The following PHC1 variants were observed in gnomAD, a reference collection of about 807,000 sequenced individuals.
PHC1 encodes polyhomeotic homolog 1.
A neutral mutation model predicts 104.3 loss-of-function variants in PHC1; 12 were observed. The ratio of observed to expected loss-of-function variants is 0.12; its 90% CI spans 0.07 to 0.19. The LOEUF (loss-of-function observed/expected upper bound fraction) is 0.19. PHC1 is among the 10% of genes least tolerant of loss of function. The pLI is 1.00. For missense variants in PHC1, 671 were observed against 1,200.0 expected (o/e 0.56, Z 6.51); for synonymous variants, 302 against 455.8 (o/e 0.66, Z 4.30).
rs1340958506 is a variant in PHC1 at position 8,930,912 on chromosome 12, A to G, written c.1090A>G (p.Thr364Ala). The part of the protein sequence containing the change: ...TRTATPAPSQ[T>A]LISSATYTQI... ...GACAGCCACACCTGCGCCCAGCCAG[A>G]CACTTATTAGCTCAGGTAAATTGTC... Residue 364 changes from threonine to alanine, a missense_variant, in exon 7 of 15, where the codon ACA becomes GCA. Physicochemically the swap from Thr to Ala is moderately conservative, Grantham distance 58. Transcript: ENST00000544916. The G allele has an allele frequency of 6.2e-7, 1 of 1,606,086 alleles. No homozygotes were observed. The highest frequency in any genetic ancestry group is 8.5e-7 in the Non-Finnish European group (1 of 1,174,572).
At position 8,914,538 on chromosome 12, in the gene PHC1, C is replaced by T. The variant is rs1240599733; in HGVS notation, c.-338C>T. ...CGGCCCGCAGCCCCTGGCCTGCGGC[C>T]CCCACCTTCTCGGCCGGGCAGGAAG... On this transcript the variant is annotated 5_prime_UTR_variant, in exon 1 of 15. Coordinates refer to ENST00000544916, the MANE Select transcript of PHC1 (RefSeq NM_004426.3). The T allele has an allele frequency of 6.6e-6, 1 of 151,596 alleles. No individual in the cohort carries two copies. The highest frequency in any genetic ancestry group is 1.5e-5 in the Non-Finnish European group (1 of 67,790). 9.4% of individuals were successfully genotyped at this position (151,596 alleles called of 1,614,324 possible). A position where few individuals can be genotyped will look rare whatever the true frequency, so the allele number is the denominator to read the frequency against.
In PHC1 at chr12:8,934,250, C is replaced by G; in HGVS notation, c.2042-17C>G. 6.3e-7 allele frequency: 1 copy of G among 1,593,426 alleles called. No individual in the cohort carries two copies. The highest frequency in any genetic ancestry group is 1.1e-5 in the South Asian group (1 of 90,114). On this transcript the variant is annotated splice_polypyrimidine_tract_variant and intron_variant, in intron 9 of 14. Transcript: ENST00000544916. ...TGTCATCTCATGTCTGTTGCTTAAT[C>G]TGTGTTTGTTTTCCAGAAAAAGCTG...
rs1007945902 is a variant in PHC1, at chr12:8,918,002, T to A, written c.114+211T>A. ...AAATCTGGTCTTTCAAATAAGGATT[T>A]AAAAAACACATTCAGTCCATCTAGC... On this transcript the variant is annotated intron_variant, in intron 2 of 14. Transcript: ENST00000544916. Among the ~76,000 whole-genome samples, 3 of 152,204 alleles carry A rather than the reference T, an allele frequency of 2.0e-5. No homozygotes were observed. In the East Asian group the frequency reaches 5.8e-4, roughly 29 times the overall value.
intron 11 of PHC1, among the ~76,000 whole-genome samples, chr12:8,936,374 T>TCA (rs1945838955): frequency 6.6e-5 from 10 of 152,172 alleles, no homozygotes; most frequent in African/African-American, 2.4e-4. Context: ...AGAGTGAGAC[T>TCA]GTCTCAAAAA....
chr12:8,932,077 C>T (rs938698213), intron 7 of PHC1, among the ~76,000 whole-genome samples: 2 of 152,138 alleles, frequency 1.3e-5, no homozygotes, highest in Non-Finnish European at 1.5e-5. Flanking sequence ...TGTGGGAAGA[C>T]GTTGACATCT....
intron 10 of PHC1, among the ~76,000 whole-genome samples, chr12:8,934,838 A>G (rs1043622398): frequency 6.6e-6 from 1 of 152,160 alleles, no homozygotes; most frequent in Non-Finnish European, 1.5e-5. Context: ...TCTCAGCACC[A>G]TAGGAAGGAA....
intron 5 of PHC1, among the ~76,000 whole-genome samples, chr12:8,922,033 G>A (rs1322429919): frequency 2.0e-5 from 3 of 152,042 alleles, no homozygotes; most frequent in Non-Finnish European, 4.4e-5. Context: ...AGGCTGGTCT[G>A]GAACTCCTGA....
At position 8,919,736 on chromosome 12, in the gene PHC1, T is replaced by C; in HGVS notation, c.115-20T>C. 6.2e-7 allele frequency: 1 copy of C among 1,606,886 alleles called. No homozygotes were observed. The highest frequency in any genetic ancestry group is 8.5e-7 in the Non-Finnish European group (1 of 1,176,540). On this transcript the variant is annotated intron_variant, in intron 2 of 14. Transcript: ENST00000544916. The surrounding 1 kb of genome is among the most constrained non-coding windows in gnomAD (Gnocchi z 4.9). Reference sequence around the variant, plus strand: ...GCTAGGAGTGGTCCATTCTAAATGTTTTATCCTCTCTTTTCCTAGGCTCTG... The same window carrying C: ...GCTAGGAGTGGTCCATTCTAAATGTCTTATCCTCTCTTTTCCTAGGCTCTG...
chr12:8,921,490 T>A, intron 4 of PHC1, 111 bp from the exon 5 acceptor site: 1 of 952,774 alleles, frequency 1.0e-6, no homozygotes, highest in South Asian at 1.5e-5. Context: ...CCCGGCTCCA[T>A]GAAAGTGAAA....
chr12:8,920,015 C>T, intron 3 of PHC1, 149 bp downstream of exon 3: 1 of 1,237,806 alleles, frequency 8.1e-7, no homozygotes. Context: ...AGGATGGATG[C>T]ATCTTAGCTT....
intron 4 of PHC1, among the ~76,000 whole-genome samples, chr12:8,921,362 C>G (rs1945357405): frequency 6.6e-6 from 1 of 152,134 alleles, no homozygotes; most frequent in Admixed American, 6.5e-5. Flanking sequence ...CTGTTTCAAT[C>G]TTTTGTCTTC....
intron 13 of PHC1, among the ~76,000 whole-genome samples, 185 bp from the exon 14 acceptor site, chr12:8,937,644 G>T (rs759000201): frequency 1.3e-5 from 2 of 152,182 alleles, no homozygotes; most frequent in African/African-American, 2.4e-5. Flanking sequence ...AATCAAGGAA[G>T]TGATACAGTT....
chr12:8,931,258 A>G (rs1208211217), intron 7 of PHC1, among the ~76,000 whole-genome samples: 1 of 152,156 alleles, frequency 6.6e-6, no homozygotes, highest in Admixed American at 6.5e-5. Flanking sequence ...GTTTTCTAGG[A>G]ATTACTGGGG....
intron 3 of PHC1, 139 bp from the exon 4 acceptor site, chr12:8,920,846 T>G: frequency 1.6e-6 from 1 of 606,880 alleles, no homozygotes; most frequent in Non-Finnish European, 2.9e-6. Context: ...GTGAATATAC[T>G]TTTCTTTACC....
Position 8,941,445 on chromosome 12 carries a change from A to T in PHC1, c.*1986A>T. The T allele has an allele frequency of 5.4e-6, 1 of 186,312 alleles. No homozygotes were observed. Among genetic ancestry groups the T allele is most frequent in the African/African-American group, 2.4e-5 (1 of 42,292 alleles). 11.5% of individuals were successfully genotyped at this position (186,312 alleles called of 1,614,324 possible). ...GTTTCTTGGCATTTTTTTTTTAATT[A>T]AAGAAATCCAGTGTCTCAAAAACTT... On this transcript the variant is annotated 3_prime_UTR_variant, in exon 15 of 15. Coordinates refer to ENST00000544916, the MANE Select transcript of PHC1 (RefSeq NM_004426.3).
intron 11 of PHC1, 107 bp from the exon 12 acceptor site, chr12:8,936,749 T>TG (rs72518447): frequency 0.43 from 312,223 of 733,972 alleles, 69,278 homozygotes; most frequent in East Asian, 0.45. Flanking sequence ...TGTAGGTTTT[T>TG]GGGGGTGAAC....
At chr12:8,927,508 G>A (rs1945550247) in intron 6 of PHC1, among the ~76,000 whole-genome samples, 1 of 152,148 alleles carries the variant, frequency 6.6e-6, no homozygotes, top group Non-Finnish European at 1.5e-5. Context: ...AGGAAGAGGA[G>A]AGAAGGGGGA....
rs1195451942 is a variant in PHC1, at chr12:8,919,473, T to C, written c.115-283T>C. Among the ~76,000 whole-genome samples the C allele has an allele frequency of 6.6e-6, 1 of 152,174 alleles. No individual in the cohort carries two copies. The highest frequency in any genetic ancestry group is 1.5e-5 in the Non-Finnish European group (1 of 68,010). ...ACATGGTGGTGCATACCTATAGTCC[T>C]AGCTACTTGGGAGGTTGAGGCAGTC... is the stretch of plus-strand genomic sequence containing the variant. On this transcript the variant is annotated intron_variant, in intron 2 of 14. Coordinates refer to ENST00000544916, the MANE Select transcript of PHC1 (RefSeq NM_004426.3). The surrounding 1 kb of genome is among the most constrained non-coding windows in gnomAD (Gnocchi z 4.9).
In PHC1 at chr12:8,941,332, C is replaced by T. The variant is rs1414293511; in HGVS notation, c.*1873C>T. On this transcript the variant is annotated 3_prime_UTR_variant, in exon 15 of 15. Coordinates refer to ENST00000544916, the MANE Select transcript of PHC1 (RefSeq NM_004426.3). ...ACCAAGTAATCACTGCAAAGTAGTT[C>T]CAAGCAGCAAGAAATACCAGATTCT... 2 of 204,574 alleles carry T rather than the reference C, an allele frequency of 9.8e-6. No individual in the cohort carries two copies. The highest frequency in any genetic ancestry group is 2.0e-5 in the Non-Finnish European group (2 of 99,258). The allele number at this position is 204,574 out of a possible 1,614,324, so 12.7% of individuals were successfully genotyped here. A position where few individuals can be genotyped will look rare whatever the true frequency, so the allele number is the denominator to read the frequency against.
Sources: allele counts gnomAD v4.1 joint callset (sites outside exome capture counted in the v4.1 genomes callset), GRCh38; gene constraint gnomAD v4.1.1; non-coding constraint Gnocchi (gnomAD v3.1); transcripts MANE v1.5; gene names NCBI Gene and HGNC (gene_info 2026-07-23, HGNC 2026-07-21).